Variants in CLCN5 observed in about 807,000 individuals in gnomAD.
CLCN5 encodes H(+)/Cl(-) exchange transporter 5.
Under a neutral mutation model 54.0 loss-of-function variants are expected in CLCN5, and 17 were observed. The observed-to-expected ratio is 0.31, with a 90% confidence interval of 0.22 to 0.47. CLCN5 has a LOEUF of 0.47. Among genes scored for constraint, CLCN5 ranks in the 20% least tolerant of loss-of-function variants. CLCN5 has a pLI of 1.00. For missense variants in CLCN5, 448 were observed against 646.7 expected, an observed-to-expected ratio of 0.69 and a Z score of 3.33; for synonymous variants, 222 against 233.0, an observed-to-expected ratio of 0.95 and a Z score of 0.43.
intron 7 of CLCN5, 147 bp downstream of exon 7, chrX:50,076,129 G>A: frequency 1.8e-6 from 1 of 541,498 alleles, no homozygotes; most frequent in Admixed American, 2.7e-5. Context: ...TTTCTCTGTG[G>A]TTTAAGTGCA....
chrX:49,946,642 C>T (rs1926760970), intron 3 of CLCN5, among the ~76,000 whole-genome samples: 1 of 110,050 alleles, frequency 9.1e-6, no homozygotes, highest in Non-Finnish European at 1.9e-5. Context: ...TTCTCATTAC[C>T]CTTGCCATAT....
At chrX:49,984,517 T>A (rs1278674271) in intron 3 of CLCN5, among the ~76,000 whole-genome samples, 4 of 112,192 alleles carry the variant, frequency 3.6e-5, no homozygotes, top group African/African-American at 1.3e-4. Context: ...GTCTTTTTTG[T>A]TTCTTTTGAA....
At chrX:50,076,639 C>G (rs1027501129) in intron 7 of CLCN5, among the ~76,000 whole-genome samples, 2 of 111,523 alleles carry the variant, frequency 1.8e-5, no homozygotes, top group Admixed American at 9.5e-5. Flanking sequence ...AGTCCTCCCA[C>G]CAGTCCTCCT....
chrX:50,092,998 T>C lies in CLCN5; in HGVS notation c.*779T>C, dbSNP rs1557195032. 1 of 112,289 alleles carries C rather than the reference T, an allele frequency of 8.9e-6. No homozygotes were observed. Among genetic ancestry groups the C allele is most frequent in the African/African-American group, 3.2e-5 (1 of 30,849 alleles). 9.3% of individuals were successfully genotyped at this position (112,289 alleles called of 1,213,427 possible). A position where few individuals can be genotyped will look rare whatever the true frequency, so the allele number is the denominator to read the frequency against. ...CATTTGTTAGCTGGTAGACAAGGAC[T>C]TTGCCGTGAATTTGTTAGTAGCAAG... is the stretch of plus-strand genomic sequence containing the variant. On this transcript the variant is annotated 3_prime_UTR_variant, in exon 15 of 15. Transcript: ENST00000376091.
intron 3 of CLCN5, chrX:50,014,677 G>A: frequency 2.9e-6 from 1 of 339,214 alleles, no homozygotes; most frequent in South Asian, 2.7e-5. Context: ...TTCAGAGAGG[G>A]GGAGCTCAAC....
intron 3 of CLCN5, among the ~76,000 whole-genome samples, chrX:49,981,525 G>C (rs1379348349): frequency 9.0e-6 from 1 of 111,164 alleles, no homozygotes; most frequent in Non-Finnish European, 1.9e-5. Flanking sequence ...CCATGCCTCA[G>C]CTTTAGCATC....
At chrX:49,973,108 TC>T (rs1284956395) in intron 3 of CLCN5, among the ~76,000 whole-genome samples, 1 of 111,254 alleles carries the variant, frequency 9.0e-6, no homozygotes, top group Non-Finnish European at 1.9e-5. Context: ...CTAGAGCACC[TC>T]CTCTTCACTT....
Position 49,974,248 on chromosome X carries a change from G to A in CLCN5, c.16+48934G>A, listed in dbSNP as rs781815075. On this transcript the variant is annotated intron_variant, in intron 3 of 14. Transcript: ENST00000376091. ...CATATGCTTTCATTTCTCTTGGGTA[G>A]AACTATGTTCCTAGATTAGTATAAA... is the stretch of plus-strand genomic sequence containing the variant. Among the ~76,000 whole-genome samples the A allele has an allele frequency of 2.7e-5, 3 of 111,836 alleles. No individual in the cohort carries two copies. In the South Asian group the frequency reaches 1.1e-3, roughly 42 times the overall value.
chrX:49,934,441 T>A (rs902318144), intron 3 of CLCN5, among the ~76,000 whole-genome samples: 2 of 111,559 alleles, frequency 1.8e-5, no homozygotes, highest in African/African-American at 3.3e-5. Context: ...TTCTCCTTCT[T>A]CTTTTCCTTC....
intron 3 of CLCN5, among the ~76,000 whole-genome samples, chrX:50,004,808 G>A (rs186658304): frequency 4.5e-5 from 5 of 111,430 alleles, no homozygotes; most frequent in African/African-American, 1.6e-4. Context: ...TACTCGGGAG[G>A]CTGAGGCAGG....
chrX:50,078,628 C>G (rs1481982435), intron 7 of CLCN5, among the ~76,000 whole-genome samples: 1 of 112,559 alleles, frequency 8.9e-6, no homozygotes, highest in Non-Finnish European at 1.9e-5. Context: ...TTAACCACCA[C>G]CACAGTCAAG....
intron 3 of CLCN5, among the ~76,000 whole-genome samples, chrX:49,947,300 A>G (rs1359125884): frequency 9.0e-6 from 1 of 111,165 alleles, no homozygotes; most frequent in Admixed American, 9.6e-5. Flanking sequence ...GGGGCCTTCC[A>G]CTGAGACAGA....
At chrX:50,038,822 G>A (rs1479406703) in intron 3 of CLCN5, among the ~76,000 whole-genome samples, 4 of 112,087 alleles carry the variant, frequency 3.6e-5, no homozygotes, top group Non-Finnish European at 5.6e-5. Flanking sequence ...AAACTTTGAC[G>A]CATAGAGTCA....
At chrX:50,002,243 C>G (rs1929866256) in intron 3 of CLCN5, among the ~76,000 whole-genome samples, 1 of 110,721 alleles carries the variant, frequency 9.0e-6, no homozygotes, top group Non-Finnish European at 1.9e-5. Flanking sequence ...CTATGTCCAA[C>G]TATGTACTGG....
intron 4 of CLCN5, among the ~76,000 whole-genome samples, chrX:50,069,190 A>G (rs1557191258): frequency 8.9e-6 from 1 of 112,229 alleles, no homozygotes; most frequent in Non-Finnish European, 1.9e-5. Context: ...AGCAAAGTAG[A>G]TAAGGGACTA....
At chrX:49,985,158 T>G (rs781999607) in intron 3 of CLCN5, among the ~76,000 whole-genome samples, 1 of 111,902 alleles carries the variant, frequency 8.9e-6, no homozygotes, top group Non-Finnish European at 1.9e-5. Flanking sequence ...TTATCAATTT[T>G]ATTCGTTTTT....
At chrX:49,930,003 T>C in intron 3 of CLCN5, among the ~76,000 whole-genome samples, 1 of 111,421 alleles carries the variant, frequency 9.0e-6, no homozygotes, top group Middle Eastern at 4.6e-3. Flanking sequence ...AGATTTATTA[T>C]CTGTAACACA....
intron 3 of CLCN5, among the ~76,000 whole-genome samples, chrX:49,942,386 G>A (rs933559674): frequency 9.4e-6 from 1 of 106,208 alleles, no homozygotes; most frequent in African/African-American, 3.4e-5. Context: ...TCCTTTGATG[G>A]TCTTATCTAG....
At chrX:50,076,634 T>C (rs1933414910) in intron 7 of CLCN5, among the ~76,000 whole-genome samples, 1 of 111,434 alleles carries the variant, frequency 9.0e-6, no homozygotes, top group African/African-American at 3.3e-5. Flanking sequence ...CAAGCAGTCC[T>C]CCCACCAGTC....
Sources: gnomAD v4.1 joint callset for allele counts (sites outside exome capture counted in the v4.1 genomes callset) on GRCh38, gnomAD v4.1.1 for gene constraint, MANE v1.5 for transcripts, NCBI Gene and HGNC (gene_info 2026-07-23, HGNC 2026-07-21) for gene names.